Variants in ABCB4 observed in about 807,000 individuals in gnomAD.
ABCB4 encodes phosphatidylcholine translocator ABCB4.
A neutral mutation model predicts 145.7 loss-of-function variants in ABCB4; 76 were observed. The ratio of observed to expected loss-of-function variants is 0.52; its 90% CI spans 0.43 to 0.63. The LOEUF (loss-of-function observed/expected upper bound fraction) is 0.63, where lower values mean the gene tolerates loss of function less well. Ranked by LOEUF, ABCB4 falls within the 30% of genes least tolerant of loss-of-function variation. The pLI, the probability that ABCB4 is intolerant of heterozygous loss-of-function variation, is 0.00. For missense variants in ABCB4, 1,234 were observed against 1,553.1 expected (o/e 0.79, Z 3.45); for synonymous variants, 517 against 566.8 (o/e 0.91, Z 1.25).
At chr7:87,457,014 C>T (rs1812142775) in intron 4 of ABCB4, among the ~76,000 whole-genome samples, 1 of 152,220 alleles carries the variant, frequency 6.6e-6, no homozygotes, top group South Asian at 2.1e-4. Context: ...GTACTTAACG[C>T]TGTCTGTGCA....
rs1808652610 is a variant in ABCB4, at chr7:87,411,929, A to G, written c.2888T>C (p.Ile963Thr). ...TCTGAAGCGCATATGTCCATTCACA[A>G]TGAGATATGCACCAAATCGAAAACA... ...AGCFRFGAYL[I>T]VNGHMRFRDV... The change falls in exon 23 of 28, where the codon ATT (isoleucine) becomes ACT (threonine). Residue 963 changes from isoleucine (I) to threonine (T), a missense_variant. Physicochemically the swap from Ile to Thr is moderately conservative, Grantham distance 89. This residue lies in a region of ABCB4 where 301 missense variants were observed against 389.0 expected (regional missense o/e 0.77). Transcript: ENST00000649586. 7.4e-6 allele frequency: 12 copies of G among 1,613,696 alleles called. No individual in the cohort carries two copies. Among genetic ancestry groups the G allele is most frequent in the Non-Finnish European group, 8.5e-6 (10 of 1,179,736 alleles).
At chr7:87,398,335 A>C, downstream of ABCB4, 1 of 718,582 alleles carries the variant, frequency 1.4e-6, no homozygotes, top group Non-Finnish European at 2.5e-6. Context: ...CATCTAATGA[A>C]TGAGGTGTTT....
At position 87,401,978 on chromosome 7, in the gene ABCB4, T is replaced by C; in HGVS notation, c.*118A>G. 7.2e-7 allele frequency: 1 copy of C among 1,391,944 alleles called. No homozygotes were observed. The highest frequency in any genetic ancestry group is 1.0e-6 in the Non-Finnish European group (1 of 1,005,016). The allele number at this position is 1,391,944 out of a possible 1,614,324, so 86.2% of individuals were successfully genotyped here. On this transcript the variant is annotated 3_prime_UTR_variant, in exon 28 of 28. Coordinates refer to ENST00000649586, the MANE Select transcript of ABCB4 (RefSeq NM_000443.4). ...CCCCAAATTGGGTCTTCTAAATTGA[T>C]CTAGAATGAGACAGACATACCTATG...
At chr7:87,369,170 C>T in the ABCB4 span, among the ~76,000 whole-genome samples, 4 of 152,132 alleles carry the variant, frequency 2.6e-5, no homozygotes, top group East Asian at 7.7e-4. Context: ...CTAGATGTCT[C>T]ACATGGAACA....
chr7:87,448,478 G>C (rs538936987), intron 8 of ABCB4, among the ~76,000 whole-genome samples: 27 of 152,300 alleles, frequency 1.8e-4, no homozygotes, highest in Admixed American at 1.8e-3. Flanking sequence ...TGCATCTCTG[G>C]GGGTAGCCAG....
chr7:87,469,763 G>T (rs1215879257), intron 3 of ABCB4, among the ~76,000 whole-genome samples: 1 of 152,140 alleles, frequency 6.6e-6, no homozygotes, highest in Non-Finnish European at 1.5e-5. Context: ...TGGATAGGAA[G>T]AATCAATATC....
intron 18 of ABCB4, among the ~76,000 whole-genome samples, chr7:87,420,598 G>A (rs2116497229): frequency 6.6e-6 from 1 of 152,234 alleles, no homozygotes. Context: ...CCGTTGTGTG[G>A]GTAACAGTTG....
chr7:87,461,370 G>C (rs188140962), intron 4 of ABCB4, among the ~76,000 whole-genome samples: 1 of 151,888 alleles, frequency 6.6e-6, no homozygotes, highest in Non-Finnish European at 1.5e-5. Context: ...TTTTTTTTCC[G>C]AATCATCTAT....
At chr7:87,387,227 GC>G in the ABCB4 span, among the ~76,000 whole-genome samples, 4 of 151,798 alleles carry the variant, frequency 2.6e-5, no homozygotes. Context: ...CTTCTACTCT[GC>G]CATTATGGTA....
chr7:87,462,908 A>T lies in ABCB4; in HGVS notation c.136T>A (p.Phe46Ile). Residue 46 changes from phenylalanine (F) to isoleucine (I), a missense_variant and splice_region_variant, in exon 4 of 28, where the codon TTT becomes ATT. By Grantham distance (21) the Phe-to-Ile change is conservative (BLOSUM62 0). Around this residue, in one of 7 missense-constraint regions of ABCB4, gnomAD observed 77 missense variants for 73.3 expected, o/e 1.05. Coordinates refer to ENST00000649586, the MANE Select transcript of ABCB4 (RefSeq NM_000443.4). ...TTATCCTGCCAATCGGAGTATCGAA[A>T]CTAAAAAAAGGAAATAAAATAATAC... Reference protein sequence around the residue: ...TVKMIGVLTLFRYSDWQDKLF... With the variant: ...TVKMIGVLTLIRYSDWQDKLF... 6.2e-7 allele frequency: 1 copy of T among 1,613,584 alleles called. No homozygotes were observed. The highest frequency in any genetic ancestry group is 8.5e-7 in the Non-Finnish European group (1 of 1,179,592).
downstream of ABCB4, among the ~76,000 whole-genome samples, chr7:87,401,228 T>G (rs1053177538): frequency 6.6e-6 from 1 of 152,262 alleles, no homozygotes; most frequent in Non-Finnish European, 1.5e-5. Context: ...ATTTACTGAA[T>G]TTAACAACCT....
the ABCB4 span, chr7:87,375,675 G>A: frequency 1.2e-6 from 2 of 1,613,550 alleles, no homozygotes; most frequent in South Asian, 2.2e-5. Flanking sequence ...TGAACCTGAT[G>A]GACCTGGGAT....
downstream of ABCB4, among the ~76,000 whole-genome samples, chr7:87,398,103 CTT>C (rs5885580): frequency 9.9e-3 from 1,442 of 145,092 alleles, 26 homozygotes; most frequent in African/African-American, 0.033. Context: ...CCTTCTCTGC[CTT>C]TTTTTTTTTT....
Position 87,453,028 on chromosome 7 carries a change from T to C in ABCB4, c.452A>G (p.Gln151Arg). ...TCGTAGAATAGCATGAAAAAACTTC[T>C]GCCTAATTTTCCTGATCTGTCGACC... ...AAGRQIRKIR[Q>R]KFFHAILRQE... Residue 151 changes from glutamine to arginine, a missense_variant, in exon 6 of 28, where the codon CAG (glutamine) becomes CGG (arginine). By Grantham distance (43) the Gln-to-Arg change is conservative. This residue lies in a region of ABCB4 where 467 missense variants were observed against 632.8 expected (regional missense o/e 0.74). Transcript: ENST00000649586. 1.2e-6 allele frequency: 2 copies of C among 1,614,140 alleles called. No individual in the cohort carries two copies. Among genetic ancestry groups the C allele is most frequent in the Non-Finnish European group, 1.7e-6 (2 of 1,180,022 alleles).
chr7:87,457,310 T>A (rs566603007), intron 4 of ABCB4, among the ~76,000 whole-genome samples: 2 of 152,232 alleles, frequency 1.3e-5, no homozygotes, highest in Admixed American at 6.5e-5. Flanking sequence ...CACAGGAGAC[T>A]GAAGCAGGAG....
chr7:87,415,588 A>T (rs1261482192), intron 21 of ABCB4, among the ~76,000 whole-genome samples: 1 of 152,216 alleles, frequency 6.6e-6, no homozygotes, highest in Non-Finnish European at 1.5e-5. Context: ...TCTGATGCTT[A>T]GAATAACAGG....
chr7:87,377,318 T>A, the ABCB4 span: 40 of 1,404,072 alleles, frequency 2.8e-5, no homozygotes, highest in African/African-American at 5.0e-4. Context: ...TATTAAACCC[T>A]TTTAATTTGG....
downstream of ABCB4, chr7:87,399,003 CT>C (rs966371626): frequency 3.9e-5 from 8 of 206,520 alleles, no homozygotes; most frequent in Admixed American, 4.4e-4. Context: ...AATCCTCTCT[CT>C]GGACATCAAT....
At chr7:87,401,084 T>C (rs1807759702), downstream of ABCB4, among the ~76,000 whole-genome samples, 1 of 152,242 alleles carries the variant, frequency 6.6e-6, no homozygotes, top group Non-Finnish European at 1.5e-5. Flanking sequence ...AACACTACTT[T>C]GGGTCACTGC....
Sources: allele counts gnomAD v4.1 joint callset (sites outside exome capture counted in the v4.1 genomes callset), GRCh38; gene constraint gnomAD v4.1.1; regional missense constraint gnomAD v4.1.1; transcripts MANE v1.5; gene names NCBI Gene and HGNC (gene_info 2026-07-23, HGNC 2026-07-21).